MYLK: variants seen among roughly 807,000 people sequenced by gnomAD.
The protein encoded by MYLK is myosin light chain kinase, smooth muscle.
MYLK carries 106 observed loss-of-function variants against 203.4 expected under a neutral mutation model. That is an observed-to-expected ratio of 0.52 (90% CI 0.45 to 0.61). The LOEUF (loss-of-function observed/expected upper bound fraction) is 0.61, where lower values mean the gene tolerates loss of function less well. MYLK is among the 20% of genes least tolerant of loss of function. The probability of loss-of-function intolerance (pLI) is 0.00; values close to 1 mark genes in which losing one functional copy is unlikely to be tolerated. For synonymous variants in MYLK, 867 were observed against 959.5 expected (o/e 0.90, Z 1.78); for missense variants, 2,072 against 2,442.3 (o/e 0.85, Z 3.20).
intron 3 of MYLK, among the ~76,000 whole-genome samples, chr3:123,821,083 T>C (rs2109298919): frequency 6.6e-6 from 1 of 152,162 alleles, no homozygotes; most frequent in East Asian, 1.9e-4. Flanking sequence ...TTACCCTCCC[T>C]CCCCACTACA....
At chr3:123,820,632 T>TTCCTTCCTTCCTTCCC (rs1560259767) in intron 3 of MYLK, among the ~76,000 whole-genome samples, 3 of 141,888 alleles carry the variant, frequency 2.1e-5, no homozygotes, top group Non-Finnish European at 3.2e-5. Flanking sequence ...CCTTCCTTCC[T>TTCCTTCCTTCCTTCCC]TCCTTCCTTC....
At chr3:123,867,788 A>G (rs535240280) in intron 2 of MYLK, among the ~76,000 whole-genome samples, 1 of 152,264 alleles carries the variant, frequency 6.6e-6, no homozygotes, top group Non-Finnish European at 1.5e-5. Context: ...TCCTACATAA[A>G]AAGTCTGAAG....
At chr3:123,639,530 C>T (rs560074203) in intron 28 of MYLK, among the ~76,000 whole-genome samples, 2 of 152,352 alleles carry the variant, frequency 1.3e-5, no homozygotes, top group African/African-American at 4.8e-5. Flanking sequence ...TTTCCTCAAT[C>T]ACCGGGACAT....
intron 20 of MYLK, among the ~76,000 whole-genome samples, chr3:123,672,680 A>C (rs1235288591): frequency 6.6e-6 from 1 of 152,252 alleles, no homozygotes; most frequent in African/African-American, 2.4e-5. Flanking sequence ...ATAGGATTGA[A>C]GGTCAAATTT....
chr3:123,622,258 T>A (rs2057908211), intron 31 of MYLK: 1 of 152,248 alleles, frequency 6.6e-6, no homozygotes, highest in Non-Finnish European at 1.5e-5. Context: ...CCCAGAGGGT[T>A]CATTCCCAAC....
chr3:123,634,708 A>G (rs190359055), intron 29 of MYLK, among the ~76,000 whole-genome samples: 1 of 152,188 alleles, frequency 6.6e-6, no homozygotes, highest in African/African-American at 2.4e-5. Flanking sequence ...GGGTGAGGGA[A>G]GGGCTCGGAG....
chr3:123,766,737 G>A (rs376514907), intron 4 of MYLK, among the ~76,000 whole-genome samples: 5 of 152,212 alleles, frequency 3.3e-5, no homozygotes, highest in East Asian at 1.9e-4. Context: ...AGCCACTTCC[G>A]CCTGATCTAT....
Position 123,752,451 on chromosome 3 carries a change from T to C in MYLK, c.253A>G (p.Ile85Val). ...SGGRFLLDCG[I>V]RGTFSLVIHA... ...ATCACAAGGCTGAAAGTCCCCCGGA[T>C]GCCGCAATCCAGCAGGAAGCGGCCC... Residue 85 changes from isoleucine (I) to valine (V), a missense_variant, in exon 5 of 34, where the codon ATC (isoleucine) becomes GTC (valine). Coordinates refer to ENST00000360304, the MANE Select transcript of MYLK (RefSeq NM_053025.4). 1 of 1,614,214 alleles carries C rather than the reference T, an allele frequency of 6.2e-7. No homozygotes were observed. Among genetic ancestry groups the C allele is most frequent in the Non-Finnish European group, 8.5e-7 (1 of 1,180,040 alleles).
intron 18 of MYLK, among the ~76,000 whole-genome samples, chr3:123,698,225 A>G (rs2061013661): frequency 6.6e-6 from 1 of 152,200 alleles, no homozygotes; most frequent in African/African-American, 2.4e-5. Context: ...CCTGAAGCCC[A>G]TGGGCAGCGC....
rs868794626 is a variant in MYLK at position 123,626,701 on chromosome 3, T to C, written c.5238+117A>G. ...GCTGCCTAAATTGGTCCCAGACTACTTCAGAAATAAATTTAAACTTTCTTG... is the reference window on the plus strand; with the variant it reads ...GCTGCCTAAATTGGTCCCAGACTACCTCAGAAATAAATTTAAACTTTCTTG... On this transcript the variant is annotated intron_variant, in intron 31 of 33. Coordinates refer to ENST00000360304, the MANE Select transcript of MYLK (RefSeq NM_053025.4). 323 of 1,508,736 alleles carry C rather than the reference T, an allele frequency of 2.1e-4. 8 individuals are homozygous for C. In the South Asian group the frequency reaches 3.7e-3, roughly 17 times the overall value. 93.5% of individuals were successfully genotyped at this position (1,508,736 alleles called of 1,614,324 possible).
rs566247292 is a variant in MYLK, at chr3:123,765,530, C to CA, written c.166-12993dup. On this transcript the variant is annotated intron_variant, in intron 4 of 33. Coordinates refer to ENST00000360304, the MANE Select transcript of MYLK (RefSeq NM_053025.4). ...TGGGTAACAGAGTGAGATTCCACCT[C>CA]AAAAAAAAAAAAAGAAAGGAAAAAA... Among the ~76,000 whole-genome samples, 715 of 90,708 alleles carry CA rather than the reference C, an allele frequency of 7.9e-3. 1 individual carries two copies. Among genetic ancestry groups the CA allele is most frequent in the African/African-American group, 0.017 (414 of 23,698 alleles). The allele number at this position is 90,708 out of a possible 152,430, so 59.5% of individuals were successfully genotyped here.
intron 29 of MYLK, among the ~76,000 whole-genome samples, chr3:123,631,314 C>T (rs1421693351): frequency 6.6e-6 from 1 of 151,254 alleles, no homozygotes; most frequent in African/African-American, 2.4e-5. Flanking sequence ...AGGAGAATTG[C>T]TTGAACCCTG....
chr3:123,783,724 T>C (rs904736678), intron 4 of MYLK, among the ~76,000 whole-genome samples: 5 of 152,252 alleles, frequency 3.3e-5, no homozygotes, highest in Non-Finnish European at 7.3e-5. Flanking sequence ...TCCTTCTTTA[T>C]CTTTCCCCTC....
chr3:123,733,503 T>C (rs931890593), intron 10 of MYLK, among the ~76,000 whole-genome samples, 184 bp downstream of exon 10: 8 of 152,270 alleles, frequency 5.3e-5, no homozygotes, highest in Admixed American at 3.9e-4. Context: ...CTCTCCAGAA[T>C]AAAGGGCATT....
chr3:123,614,574 T>A (rs1217274208), intron 33 of MYLK, among the ~76,000 whole-genome samples: 5 of 152,198 alleles, frequency 3.3e-5, no homozygotes, highest in Admixed American at 2.0e-4. Context: ...TTGTTCCATT[T>A]CCCACACATG....
chr3:123,844,746 A>C (rs2066670969), intron 2 of MYLK, among the ~76,000 whole-genome samples: 1 of 151,174 alleles, frequency 6.6e-6, no homozygotes, highest in Admixed American at 6.6e-5. Flanking sequence ...AAAAAGATGC[A>C]CCAACCTCAC....
At chr3:123,802,479 C>G (rs2065229621) in intron 3 of MYLK, among the ~76,000 whole-genome samples, 2 of 152,260 alleles carry the variant, frequency 1.3e-5, no homozygotes, top group Non-Finnish European at 1.5e-5. Context: ...ATCAGCAGAG[C>G]AGCAGACCAC....
chr3:123,716,152 T>A (rs1286126437), intron 13 of MYLK: 1 of 152,306 alleles, frequency 6.6e-6, no homozygotes, highest in Admixed American at 6.5e-5. Context: ...GGTCCAGGGA[T>A]CACCACCAGC....
intron 12 of MYLK, among the ~76,000 whole-genome samples, chr3:123,724,475 A>G (rs1307410925): frequency 6.6e-6 from 1 of 152,130 alleles, no homozygotes; most frequent in African/African-American, 2.4e-5. Flanking sequence ...CTTGAAGTCA[A>G]TCACTGGATC....
Sources: gnomAD v4.1 joint callset for allele counts (sites outside exome capture counted in the v4.1 genomes callset) on GRCh38, gnomAD v4.1.1 for gene constraint, MANE v1.5 for transcripts, NCBI Gene and HGNC (gene_info 2026-07-23, HGNC 2026-07-21) for gene names.